Variants in FERMT1 observed in about 807,000 individuals in gnomAD.
The protein encoded by FERMT1 is fermitin family homolog 1.
A neutral mutation model predicts 85.3 loss-of-function variants in FERMT1; 60 were observed. The ratio of observed to expected loss-of-function variants is 0.70; its 90% CI spans 0.57 to 0.87. The LOEUF (loss-of-function observed/expected upper bound fraction) is 0.87. Among genes scored for constraint, FERMT1 ranks in the 40% least tolerant of loss-of-function variants. The probability of loss-of-function intolerance (pLI) is 0.00; values close to 1 mark genes in which losing one functional copy is unlikely to be tolerated. For missense variants in FERMT1, 701 were observed against 818.9 expected, an observed-to-expected ratio of 0.86 and a Z score of 1.76; for synonymous variants, 275 against 301.1, an observed-to-expected ratio of 0.91 and a Z score of 0.90.
chr20:6,097,747 AG>A (rs1188914261), intron 6 of FERMT1, 116 bp from the exon 7 acceptor site: 34 of 769,908 alleles, frequency 4.4e-5, no homozygotes, highest in Non-Finnish European at 6.1e-5. Context: ...ACTTCAGCTC[AG>A]GTAAGTGAAA....
chr20:6,097,711 C>G, intron 6 of FERMT1, 80 bp from the exon 7 acceptor site: 1 of 987,122 alleles, frequency 1.0e-6, no homozygotes, highest in South Asian at 1.3e-5. Flanking sequence ...CAACTGAGGC[C>G]ATTCTCTGTT....
At chr20:6,077,783 C>T (rs904403425) in intron 14 of FERMT1, among the ~76,000 whole-genome samples, 2 of 151,966 alleles carry the variant, frequency 1.3e-5, no homozygotes, top group African/African-American at 2.4e-5. Context: ...CAGGTTCAAG[C>T]GATTCTCATG....
intron 6 of FERMT1, among the ~76,000 whole-genome samples, chr20:6,098,658 G>A (rs986738320): frequency 1.3e-5 from 2 of 152,012 alleles, no homozygotes; most frequent in Non-Finnish European, 2.9e-5. Context: ...TGTTGAAAAT[G>A]CCTAGCCACT....
Position 6,097,618 on chromosome 20 carries a change from C to T in FERMT1, c.863G>A (p.Arg288Gln), listed in dbSNP as rs202037230. The change falls in exon 7 of 15, where the codon CGA (arginine) becomes CAA (glutamine). Residue 288 changes from arginine (R) to glutamine (Q), a missense_variant. Coordinates refer to ENST00000217289, the MANE Select transcript of FERMT1 (RefSeq NM_017671.5). ...GGCTTGCTCATAGAGTTGGTTTATTCGGACAGCATCATACTAGAGACAAAA... is the reference window on the plus strand; with the variant it reads ...GGCTTGCTCATAGAGTTGGTTTATTTGGACAGCATCATACTAGAGACAAAA... ...FDLNPKYDAV[R>Q]INQLYEQARW... 410 of 1,612,460 alleles carry T rather than the reference C, an allele frequency of 2.5e-4. 1 individual carries two copies. The highest frequency in any genetic ancestry group is 3.1e-4 in the Non-Finnish European group (371 of 1,178,732).
At chr20:6,080,524 T>C (rs111644314) in intron 13 of FERMT1, among the ~76,000 whole-genome samples, 6,024 of 152,184 alleles carry the variant, frequency 0.04, 140 homozygotes, top group South Asian at 0.058. Context: ...AAGTTGAAAA[T>C]TTAGTGGGAT....
At chr20:6,096,853 G>A (rs775132985) in intron 8 of FERMT1, 49 bp downstream of exon 8, 1 of 1,290,044 alleles carries the variant, frequency 7.8e-7, no homozygotes, top group South Asian at 1.2e-5. Context: ...ATTTATACTT[G>A]TCAATCAGAA....
At chr20:6,107,199 C>CAAA (rs59180891) in intron 6 of FERMT1, among the ~76,000 whole-genome samples, 29 of 92,566 alleles carry the variant, frequency 3.1e-4, no homozygotes, top group African/African-American at 3.7e-4. Context: ...CTGTCTCAAC[C>CAAA]AAAAAAAAAA....
chr20:6,098,241 A>G (rs1001553221), intron 6 of FERMT1, among the ~76,000 whole-genome samples: 7 of 152,150 alleles, frequency 4.6e-5, no homozygotes, highest in Non-Finnish European at 8.8e-5. Context: ...TATATGATAA[A>G]CAGTGTAATA....
rs1982234200 is a variant in FERMT1, at chr20:6,088,026, A to C, written c.1265-143T>G. On this transcript the variant is annotated intron_variant, in intron 10 of 14. Transcript: ENST00000217289. ...AAAAATGGAGGAGCAAGCTGATAAC[A>C]TTAATTAATGGATAATTAGATAAAT... The C allele has an allele frequency of 4.4e-6, 3 of 679,066 alleles. No individual in the cohort carries two copies. In the South Asian group the frequency reaches 4.7e-5, roughly 11 times the overall value. The allele number at this position is 679,066 out of a possible 1,614,324, so 42.1% of individuals were successfully genotyped here.
intron 2 of FERMT1, among the ~76,000 whole-genome samples, chr20:6,119,156 C>T (rs1414095990): frequency 1.3e-5 from 2 of 152,152 alleles, no homozygotes; most frequent in Non-Finnish European, 2.9e-5. Context: ...CCATGTTGGC[C>T]AGCCTGTTCT....
In FERMT1 at chr20:6,112,461, CT is replaced by C. The variant is rs1568664441; in HGVS notation, c.532+15del. The stretch of plus-strand genomic sequence containing the variant: ...ACTGTACGTTCAAACAACAAAACAC[CT>C]GTAACAAGTCTTACCTGATGAACCT... On this transcript the variant is annotated intron_variant, in intron 4 of 14. Transcript: ENST00000217289. 1.2e-6 allele frequency: 2 copies of C among 1,612,912 alleles called. No individual in the cohort carries two copies. Among genetic ancestry groups the C allele is most frequent in the Non-Finnish European group, 1.7e-6 (2 of 1,179,076 alleles).
At chr20:6,086,429 C>T (rs1982187414) in intron 11 of FERMT1, among the ~76,000 whole-genome samples, 1 of 152,154 alleles carries the variant, frequency 6.6e-6, no homozygotes, top group South Asian at 2.1e-4. Flanking sequence ...TGTTTTATTT[C>T]TGACTTCAGG....
rs147864238 is a variant in FERMT1 at position 6,110,349 on chromosome 20, G to T, written c.695C>A (p.Ala232Glu). ...CAGAGACCGAGGCTGGTACATATCC[G>T]CAAGTGCTTCTGGGGACTGGGGGGG... ...SQPPQSPEAL[A>E]DMYQPRSLVD... Residue 232 changes from alanine to glutamate, a missense_variant, in exon 5 of 15, where the codon GCG becomes GAG. Coordinates refer to ENST00000217289, the MANE Select transcript of FERMT1 (RefSeq NM_017671.5). The T allele has an allele frequency of 1.4e-4, 225 of 1,613,728 alleles. 3 individuals are homozygous for T. In the South Asian group the frequency reaches 2.4e-3, roughly 17 times the overall value.
chr20:6,112,026 G>T (rs982585826), intron 4 of FERMT1, among the ~76,000 whole-genome samples: 4 of 151,680 alleles, frequency 2.6e-5, no homozygotes, highest in Non-Finnish European at 4.4e-5. Flanking sequence ...GCATGCCCAG[G>T]TTATTTATTT....
chr20:6,109,362 G>C (rs1342653716), intron 5 of FERMT1, among the ~76,000 whole-genome samples: 1 of 152,186 alleles, frequency 6.6e-6, no homozygotes, highest in African/African-American at 2.4e-5. Context: ...TGGTCCTGGA[G>C]GTGAGGCAGT....
At chr20:6,100,550 A>G (rs1309416807) in intron 6 of FERMT1, among the ~76,000 whole-genome samples, 1 of 152,224 alleles carries the variant, frequency 6.6e-6, no homozygotes, top group Non-Finnish European at 1.5e-5. Flanking sequence ...ACAACTCTGA[A>G]TATACTAAAA....
chr20:6,085,470 A>T (rs1982150520), intron 11 of FERMT1, among the ~76,000 whole-genome samples, 183 bp from the exon 12 acceptor site: 1 of 152,162 alleles, frequency 6.6e-6, no homozygotes, highest in South Asian at 2.1e-4. Context: ...GTAGTTTTTG[A>T]GTCCTGTGTT....
At chr20:6,120,633 C>A (rs1983247628) in intron 1 of FERMT1, 1 of 152,170 alleles carries the variant, frequency 6.6e-6, no homozygotes, top group Non-Finnish European at 1.5e-5. Flanking sequence ...GATAATGAGT[C>A]TTTTTCACTT....
chr20:6,097,372 A>G, intron 7 of FERMT1, 152 bp downstream of exon 7: 2 of 695,500 alleles, frequency 2.9e-6, no homozygotes, highest in Non-Finnish European at 2.5e-6. Context: ...TGAAGAAGAA[A>G]GCAAAATAAA....
Sources: gnomAD v4.1 joint callset for allele counts (sites outside exome capture counted in the v4.1 genomes callset) on GRCh38, gnomAD v4.1.1 for gene constraint, MANE v1.5 for transcripts, NCBI Gene and HGNC (gene_info 2026-07-23, HGNC 2026-07-21) for gene names.